CSMD1: variants seen among roughly 807,000 people sequenced by gnomAD.
The protein encoded by CSMD1 is CUB and Sushi multiple domains 1.
In CSMD1, 213 loss-of-function variants were observed where a neutral mutation model predicts 417.5. The observed-to-expected ratio is 0.51, with a 90% confidence interval of 0.46 to 0.57. CSMD1 has a LOEUF of 0.57. Among genes scored for constraint, CSMD1 ranks in the 20% least tolerant of loss-of-function variants. CSMD1 has a pLI of 0.00. For missense variants in CSMD1, 6,923 were observed against 4,529.7 expected (o/e 1.53, Z -15.17); for synonymous variants, 2,862 against 1,736.8 (o/e 1.65, Z -16.11).
intron 26 of CSMD1, 40 bp from the exon 27 acceptor site, chr8:3,230,271 C>T: frequency 6.7e-7 from 1 of 1,486,278 alleles, no homozygotes; most frequent in Non-Finnish European, 9.0e-7. Context: ...GGCTGGAAAA[C>T]ATGGTTTCCA....
intron 5 of CSMD1, among the ~76,000 whole-genome samples, chr8:3,760,218 G>T (rs769482420): frequency 6.6e-6 from 1 of 152,150 alleles, no homozygotes; most frequent in Non-Finnish European, 1.5e-5. Flanking sequence ...CCATTCAGTG[G>T]GAATGTTGGA....
At chr8:3,541,675 C>A (rs986476394) in intron 10 of CSMD1, among the ~76,000 whole-genome samples, 3 of 149,176 alleles carry the variant, frequency 2.0e-5, no homozygotes, top group Non-Finnish European at 4.5e-5. Flanking sequence ...ATTTGGACAC[C>A]CTATAATTAG....
At chr8:4,485,936 G>T (rs565164051) in intron 2 of CSMD1, among the ~76,000 whole-genome samples, 1 of 151,850 alleles carries the variant, frequency 6.6e-6, no homozygotes, top group Admixed American at 6.6e-5. Flanking sequence ...CAATTATTTT[G>T]TAGCCACAAA....
intron 5 of CSMD1, among the ~76,000 whole-genome samples, chr8:3,842,449 G>A (rs1403901689): frequency 6.6e-6 from 1 of 152,104 alleles, no homozygotes; most frequent in African/African-American, 2.4e-5. Flanking sequence ...GATGTTAAAT[G>A]ATTTTATTCT....
intron 50 of CSMD1, among the ~76,000 whole-genome samples, chr8:3,038,543 T>C (rs985336991): frequency 1.3e-5 from 2 of 152,212 alleles, no homozygotes; most frequent in Non-Finnish European, 2.9e-5. Context: ...ATTTTTCTTG[T>C]GGTTATTTGT....
intron 6 of CSMD1, among the ~76,000 whole-genome samples, chr8:3,747,493 GTTTGTT>G (rs1255242157): frequency 1.5e-5 from 2 of 132,028 alleles, no homozygotes; most frequent in African/African-American, 5.4e-5. Context: ...CAAATCATAC[GTTTGTT>G]TTTTTTCCTT....
At chr8:3,591,937 A>C (rs578184878) in intron 8 of CSMD1, among the ~76,000 whole-genome samples, 1 of 152,304 alleles carries the variant, frequency 6.6e-6, no homozygotes, top group East Asian at 1.9e-4. Flanking sequence ...ATAGATGGAT[A>C]GATACACAGA....
intron 5 of CSMD1, among the ~76,000 whole-genome samples, chr8:3,767,652 T>C (rs1432367668): frequency 1.3e-5 from 2 of 152,220 alleles, no homozygotes; most frequent in Non-Finnish European, 1.5e-5. Flanking sequence ...GCATACTGTA[T>C]ATGATATATG....
At chr8:4,721,731 G>A (rs551139408) in intron 1 of CSMD1, among the ~76,000 whole-genome samples, 2 of 152,156 alleles carry the variant, frequency 1.3e-5, no homozygotes, top group South Asian at 2.1e-4. Flanking sequence ...AATGAAACCA[G>A]CACCTCATAG....
intron 33 of CSMD1, among the ~76,000 whole-genome samples, chr8:3,191,112 T>C (rs78825051): frequency 0.024 from 3,612 of 152,290 alleles, 130 homozygotes; most frequent in African/African-American, 0.082. Flanking sequence ...CCACGTGCCA[T>C]CATGTTGCAT....
intron 5 of CSMD1, among the ~76,000 whole-genome samples, chr8:3,981,863 G>A (rs577342999): frequency 3.3e-5 from 5 of 152,188 alleles, no homozygotes; most frequent in South Asian, 2.1e-4. Flanking sequence ...AGGGAGTAAT[G>A]CAGCTTTATC....
chr8:3,199,491 T>A (rs1255290641), intron 33 of CSMD1, among the ~76,000 whole-genome samples: 1 of 152,164 alleles, frequency 6.6e-6, no homozygotes, highest in African/African-American at 2.4e-5. Context: ...CCTGATAAAT[T>A]AGATATTATT....
intron 23 of CSMD1, among the ~76,000 whole-genome samples, chr8:3,334,491 AG>A (rs1198774590): frequency 2.6e-5 from 4 of 152,232 alleles, no homozygotes; most frequent in African/African-American, 4.8e-5. Flanking sequence ...CATTTATAAT[AG>A]TATATTTAAT....
rs138208010 is a variant in CSMD1, at chr8:4,452,508, A to G, written c.303-32443T>C. On this transcript the variant is annotated intron_variant, in intron 2 of 69. Transcript: ENST00000635120. ...CCATGACCTGCTAACTACAGCTTTA[A>G]TTTTAGTTCATTAACTCAACAATTA... Among the ~76,000 whole-genome samples, 837 of 152,290 alleles carry G rather than the reference A, an allele frequency of 5.5e-3. 6 individuals are homozygous for G. The highest frequency in any genetic ancestry group is 0.019 in the African/African-American group (787 of 41,550).
chr8:4,140,584 C>G (rs1216993591), intron 3 of CSMD1, among the ~76,000 whole-genome samples: 2 of 151,014 alleles, frequency 1.3e-5, no homozygotes, highest in East Asian at 3.8e-4. Context: ...GGGAAGACTG[C>G]TTGAACCCAA....
At chr8:4,021,123 A>G (rs976836876) in intron 4 of CSMD1, among the ~76,000 whole-genome samples, 6 of 152,222 alleles carry the variant, frequency 3.9e-5, no homozygotes, top group South Asian at 4.1e-4. Context: ...TTGAGGCTCA[A>G]TACAGTAGCC....
At chr8:4,778,985 G>C (rs906542126) in intron 1 of CSMD1, among the ~76,000 whole-genome samples, 6 of 152,164 alleles carry the variant, frequency 3.9e-5, no homozygotes, top group African/African-American at 9.7e-5. Context: ...AGAATTGATA[G>C]GTGGGTGTTT....
At chr8:4,632,612 G>A (rs1057032890) in intron 2 of CSMD1, among the ~76,000 whole-genome samples, 3 of 152,120 alleles carry the variant, frequency 2.0e-5, no homozygotes. Context: ...TGTTCTATTA[G>A]ACATCTGAAT....
chr8:3,207,020 G>C (rs112519458), intron 30 of CSMD1, among the ~76,000 whole-genome samples: 19 of 151,842 alleles, frequency 1.3e-4, no homozygotes, highest in Non-Finnish European at 2.5e-4. Context: ...GCTGTGGCCT[G>C]ACTGCACTTC....
Sources: allele counts gnomAD v4.1 joint callset (sites outside exome capture counted in the v4.1 genomes callset), GRCh38; gene constraint gnomAD v4.1.1; transcripts MANE v1.5; gene names NCBI Gene and HGNC (gene_info 2026-07-23, HGNC 2026-07-21).